CSMD2: variants seen among roughly 807,000 people sequenced by gnomAD.
The protein encoded by CSMD2 is CUB and Sushi multiple domains 2.
A neutral mutation model predicts 398.5 loss-of-function variants in CSMD2; 130 were observed. The observed-to-expected ratio is 0.33, with a 90% CI of 0.28 to 0.38. CSMD2 has a LOEUF of 0.38. CSMD2 is among the 10% of genes least tolerant of loss of function. The probability of loss-of-function intolerance (pLI) is 1.00; values close to 1 mark genes in which losing one functional copy is unlikely to be tolerated. For missense variants in CSMD2, 3,829 were observed against 4,764.9 expected, an observed-to-expected ratio of 0.80 and a Z score of 5.78; for synonymous variants, 1,828 against 1,908.5, an observed-to-expected ratio of 0.96 and a Z score of 1.10.
intron 2 of CSMD2, among the ~76,000 whole-genome samples, chr1:34,080,204 T>A (rs914045786): frequency 1.3e-5 from 2 of 150,546 alleles, no homozygotes; most frequent in African/African-American, 4.9e-5. Flanking sequence ...TATACAAAAT[T>A]CACTCTGAAG....
chr1:33,738,074 T>C (rs1191827995), intron 15 of CSMD2, among the ~76,000 whole-genome samples: 1 of 152,152 alleles, frequency 6.6e-6, no homozygotes, highest in Non-Finnish European at 1.5e-5. Context: ...GAGCCATTTG[T>C]AAGCTCTGGG....
At chr1:33,669,557 T>G (rs958125434) in intron 25 of CSMD2, among the ~76,000 whole-genome samples, 9 of 152,322 alleles carry the variant, frequency 5.9e-5, no homozygotes, top group Middle Eastern at 6.8e-3. Flanking sequence ...CTGATTTCCT[T>G]CTTATTCTCT....
chr1:34,017,082 T>A (rs1276575274), intron 3 of CSMD2, among the ~76,000 whole-genome samples: 62 of 152,226 alleles, frequency 4.1e-4, no homozygotes, highest in Admixed American at 3.9e-3. Flanking sequence ...CCAGTATATA[T>A]GCCAGTTTGG....
chr1:33,978,992 G>A (rs1164693914), intron 3 of CSMD2, among the ~76,000 whole-genome samples: 5 of 152,144 alleles, frequency 3.3e-5, no homozygotes, highest in African/African-American at 9.7e-5. Flanking sequence ...TAGTCAATAA[G>A]AATCAGAGTC....
intron 47 of CSMD2, among the ~76,000 whole-genome samples, chr1:33,582,695 C>G (rs770038185): frequency 2.0e-5 from 3 of 152,164 alleles, no homozygotes; most frequent in Admixed American, 6.5e-5. Context: ...AAAGCACTAT[C>G]ATAGCTACTC....
At chr1:33,658,159 G>C in intron 26 of CSMD2, 22 bp from the exon 27 acceptor site, 1 of 1,605,260 alleles carries the variant, frequency 6.2e-7, no homozygotes, top group Non-Finnish European at 8.5e-7. Flanking sequence ...AAATAGAAGA[G>C]AGGGTAAGGT....
At chr1:33,657,902 C>T in intron 27 of CSMD2, 44 bp downstream of exon 27, 2 of 1,557,616 alleles carry the variant, frequency 1.3e-6, no homozygotes, top group Non-Finnish European at 1.8e-6. Context: ...GAGCACACAA[C>T]TGTGAGCCCC....
chr1:33,772,855 C>G, intron 12 of CSMD2, 104 bp from the exon 13 acceptor site: 1 of 959,362 alleles, frequency 1.0e-6, no homozygotes, highest in Non-Finnish European at 1.5e-6. Flanking sequence ...TGCCATAAGT[C>G]AGTGCTCAGA....
At chr1:33,553,246 C>A (rs1178353632) in intron 55 of CSMD2, among the ~76,000 whole-genome samples, 1 of 152,182 alleles carries the variant, frequency 6.6e-6, no homozygotes, top group Non-Finnish European at 1.5e-5. Flanking sequence ...TACGTGCTCA[C>A]TTCATGTCTC....
intron 25 of CSMD2, among the ~76,000 whole-genome samples, chr1:33,669,910 G>T (rs1644436419): frequency 6.6e-6 from 1 of 152,170 alleles, no homozygotes; most frequent in African/African-American, 2.4e-5. Context: ...AAGGGTTCCT[G>T]GCAACCACCA....
intron 3 of CSMD2, among the ~76,000 whole-genome samples, chr1:33,989,846 G>A (rs1044475837): frequency 6.6e-6 from 1 of 152,160 alleles, no homozygotes; most frequent in African/African-American, 2.4e-5. Context: ...GGGATGGGAG[G>A]AGAATGACTA....
At chr1:33,828,653 G>A (rs1210120581) in intron 6 of CSMD2, among the ~76,000 whole-genome samples, 1 of 152,140 alleles carries the variant, frequency 6.6e-6, no homozygotes, top group Non-Finnish European at 1.5e-5. Context: ...CATGAGGGGA[G>A]GCGATGCTAA....
chr1:34,027,786 A>G (rs1370179033), intron 3 of CSMD2, among the ~76,000 whole-genome samples: 3 of 152,124 alleles, frequency 2.0e-5, no homozygotes, highest in Non-Finnish European at 4.4e-5. Flanking sequence ...TATGTGTGTG[A>G]GCAGATAGAT....
intron 5 of CSMD2, among the ~76,000 whole-genome samples, chr1:33,850,792 G>T (rs767539665): frequency 6.6e-6 from 1 of 151,914 alleles, no homozygotes. Flanking sequence ...GTTAAGTGGG[G>T]CTTCATTAAT....
At chr1:33,810,599 T>G in intron 10 of CSMD2, 144 bp downstream of exon 10, 2 of 725,546 alleles carry the variant, frequency 2.8e-6, no homozygotes, top group Non-Finnish European at 4.2e-6. Flanking sequence ...TTTTATCCAC[T>G]CGATATTAAT....
At chr1:34,131,946 C>T (rs539627176) in intron 1 of CSMD2, among the ~76,000 whole-genome samples, 1 of 152,250 alleles carries the variant, frequency 6.6e-6, no homozygotes, top group African/African-American at 2.4e-5. Flanking sequence ...GGGCCAGGGG[C>T]ATCCAAATTC....
At chr1:33,970,410 C>T (rs1476613042) in intron 3 of CSMD2, among the ~76,000 whole-genome samples, 2 of 152,128 alleles carry the variant, frequency 1.3e-5, no homozygotes, top group Non-Finnish European at 2.9e-5. Context: ...AGATCTTGCC[C>T]ATTGTCTCTG....
intron 28 of CSMD2, among the ~76,000 whole-genome samples, chr1:33,648,159 G>A (rs1164662541): frequency 1.3e-5 from 2 of 152,032 alleles, no homozygotes; most frequent in African/African-American, 4.8e-5. Context: ...TCCGGAGATC[G>A]AGACCATCCT....
At chr1:33,899,772 G>A (rs1642629300) in intron 5 of CSMD2, among the ~76,000 whole-genome samples, 1 of 152,222 alleles carries the variant, frequency 6.6e-6, no homozygotes, top group Non-Finnish European at 1.5e-5. Context: ...AGTTCAGAAA[G>A]CTAAGTGACT....
Sources: gnomAD v4.1 joint callset for allele counts (sites outside exome capture counted in the v4.1 genomes callset) on GRCh38, gnomAD v4.1.1 for gene constraint, MANE v1.5 for transcripts, NCBI Gene and HGNC (gene_info 2026-07-23, HGNC 2026-07-21) for gene names.